WWTR1: variants seen among roughly 807,000 people sequenced by gnomAD.
WWTR1 encodes the protein WW domain-containing transcription regulator protein 1.
Under a neutral mutation model 40.1 loss-of-function variants are expected in WWTR1, and 13 were observed. That is an observed-to-expected ratio of 0.32 (90% CI 0.21 to 0.52). The LOEUF (loss-of-function observed/expected upper bound fraction) is 0.52, where lower values mean the gene tolerates loss of function less well. WWTR1 is among the 20% of genes least tolerant of loss of function. WWTR1 has a pLI of 0.97. For missense variants in WWTR1, 436 were observed against 523.1 expected (o/e 0.83, Z 1.63); for synonymous variants, 230 against 210.1 (o/e 1.09, Z -0.82).
intron 2 of WWTR1, among the ~76,000 whole-genome samples, chr3:149,634,528 G>A (rs942282323): frequency 2.0e-5 from 3 of 152,110 alleles, no homozygotes; most frequent in Middle Eastern, 3.2e-3. Context: ...AATAAAACAT[G>A]TTCCCTGCCC....
intron 2 of WWTR1, among the ~76,000 whole-genome samples, chr3:149,601,757 C>A (rs2108050537): frequency 6.6e-6 from 1 of 151,706 alleles, no homozygotes; most frequent in African/African-American, 2.4e-5. Flanking sequence ...TATTCTTTGG[C>A]TACCTTTTAA....
At chr3:149,721,002 C>G (rs1356480894) in intron 4 of WWTR1, among the ~76,000 whole-genome samples, 1 of 151,994 alleles carries the variant, frequency 6.6e-6, no homozygotes. Flanking sequence ...TTAATTGTAA[C>G]TTTTTTGTGT....
chr3:149,603,551 C>CGCCG (rs1739347836), intron 2 of WWTR1, among the ~76,000 whole-genome samples: 1 of 142,924 alleles, frequency 7.0e-6, no homozygotes, highest in African/African-American at 2.8e-5. Context: ...AGGTTCCCCA[C>CGCCG]CCCCCCCTTG....
chr3:149,573,425 T>A (rs1737739378), intron 2 of WWTR1, among the ~76,000 whole-genome samples: 1 of 152,128 alleles, frequency 6.6e-6, no homozygotes, highest in Admixed American at 6.5e-5. Context: ...ACTCATAGAA[T>A]TGACATAATG....
At chr3:149,539,848 A>G (rs1422615395) in intron 4 of WWTR1, among the ~76,000 whole-genome samples, 3 of 152,118 alleles carry the variant, frequency 2.0e-5, no homozygotes, top group Non-Finnish European at 4.4e-5. Flanking sequence ...ATACTGAATA[A>G]TCAGGTGTCC....
intron 2 of WWTR1, among the ~76,000 whole-genome samples, chr3:149,579,747 ACT>A (rs1409016699): frequency 6.6e-6 from 1 of 152,216 alleles, no homozygotes; most frequent in Non-Finnish European, 1.5e-5. Flanking sequence ...GATTTTTAAA[ACT>A]TTTTTGATTT....
At chr3:149,614,218 A>C (rs921239038) in intron 2 of WWTR1, among the ~76,000 whole-genome samples, 1 of 152,214 alleles carries the variant, frequency 6.6e-6, no homozygotes. Context: ...TGGGCCCATA[A>C]GATCATGATG....
upstream of WWTR1, among the ~76,000 whole-genome samples, chr3:149,708,150 CAT>C (rs1483883288): frequency 6.6e-6 from 1 of 152,102 alleles, no homozygotes; most frequent in African/African-American, 2.4e-5. Flanking sequence ...TGACTGAGTT[CAT>C]GTCTTCCTCA....
At chr3:149,634,536 C>A (rs1429716807) in intron 2 of WWTR1, among the ~76,000 whole-genome samples, 1 of 152,164 alleles carries the variant, frequency 6.6e-6, no homozygotes, top group African/African-American at 2.4e-5. Context: ...ATGTTCCCTG[C>A]CCTTGAGAAT....
chr3:149,606,305 G>C (rs1292541397), intron 2 of WWTR1, among the ~76,000 whole-genome samples: 1 of 152,136 alleles, frequency 6.6e-6, no homozygotes, highest in South Asian at 2.1e-4. Context: ...CGCTTTAAGC[G>C]TTTCAGGTCA....
At chr3:149,699,726 C>A (rs2108222085) in intron 1 of WWTR1, among the ~76,000 whole-genome samples, 1 of 152,304 alleles carries the variant, frequency 6.6e-6, no homozygotes, top group East Asian at 1.9e-4. Context: ...CATCTGAGAC[C>A]TGATCAGCCT....
At chr3:149,655,895 TA>T (rs1223072148) in intron 2 of WWTR1, among the ~76,000 whole-genome samples, 2 of 152,218 alleles carry the variant, frequency 1.3e-5, no homozygotes, top group Non-Finnish European at 1.5e-5. Flanking sequence ...ATATGGGCTT[TA>T]AAATGAAGTC....
At chr3:149,667,626 C>T (rs1576632788) in intron 2 of WWTR1, among the ~76,000 whole-genome samples, 1 of 152,056 alleles carries the variant, frequency 6.6e-6, no homozygotes, top group Admixed American at 6.6e-5. Context: ...GCTCCAAATT[C>T]GTGGAAGCCC....
intron 1 of WWTR1, among the ~76,000 whole-genome samples, chr3:149,680,859 CTTAT>C (rs1366626191): frequency 6.6e-6 from 1 of 151,996 alleles, no homozygotes; most frequent in Non-Finnish European, 1.5e-5. Context: ...AAAATTGACT[CTTAT>C]TTTTCTTTTT....
chr3:149,596,683 G>C (rs1739016081), intron 2 of WWTR1, among the ~76,000 whole-genome samples: 2 of 152,234 alleles, frequency 1.3e-5, no homozygotes, highest in South Asian at 4.1e-4. Context: ...AAGCCATGTT[G>C]CATAACAGAT....
intron 2 of WWTR1, among the ~76,000 whole-genome samples, chr3:149,653,053 G>A (rs2108154689): frequency 6.6e-6 from 1 of 152,292 alleles, no homozygotes; most frequent in South Asian, 2.1e-4. Flanking sequence ...CACTAAAAAT[G>A]AGACGTGGCA....
At chr3:149,688,700 T>C (rs1483336844) in intron 1 of WWTR1, among the ~76,000 whole-genome samples, 1 of 152,098 alleles carries the variant, frequency 6.6e-6, no homozygotes, top group Non-Finnish European at 1.5e-5. Context: ...ATTGTGAAGA[T>C]TAGAATAAAT....
chr3:149,589,769 C>T (rs1341739587), intron 2 of WWTR1, among the ~76,000 whole-genome samples: 1 of 147,962 alleles, frequency 6.8e-6, no homozygotes, highest in African/African-American at 2.5e-5. Context: ...TAAAAAACTA[C>T]TCATAGAATA....
rs565788227 is a variant in WWTR1 at position 149,667,268 on chromosome 3, C to A, written c.-4+2520G>T. ...AAAAAACAAATCTTACTAATGGGGCCGGGCGCAGTGGCTCACGCCTGTAAT... is the reference window on the plus strand; with the variant it reads ...AAAAAACAAATCTTACTAATGGGGCAGGGCGCAGTGGCTCACGCCTGTAAT... On this transcript the variant is annotated intron_variant, in intron 2 of 7. Transcript: ENST00000465804. 9.2e-5 allele frequency among the ~76,000 whole-genome samples: 14 copies of A among 152,094 alleles called. No individual in the cohort carries two copies. The South Asian group carries it at 2.9e-3, about 32-fold the overall frequency.
Sources: allele counts gnomAD v4.1 joint callset (sites outside exome capture counted in the v4.1 genomes callset), GRCh38; gene constraint gnomAD v4.1.1; transcripts MANE v1.5; gene names NCBI Gene and HGNC (gene_info 2026-07-23, HGNC 2026-07-21).